The following CHCHD6 variants were observed in gnomAD, a reference collection of about 807,000 sequenced individuals.
CHCHD6 encodes the protein MICOS complex subunit MIC25.
CHCHD6 carries 28 observed loss-of-function variants against 32.3 expected under a neutral mutation model. The ratio of observed to expected loss-of-function variants is 0.87; its 90% CI spans 0.64 to 1.19. The LOEUF (loss-of-function observed/expected upper bound fraction) is 1.19. CHCHD6 is among the 50% of genes most tolerant of loss of function. The pLI, the probability that CHCHD6 is intolerant of heterozygous loss-of-function variation, is 0.00. For synonymous variants in CHCHD6, 122 were observed against 117.5 expected (o/e 1.04, Z -0.25); for missense variants, 333 against 307.0 (o/e 1.08, Z -0.63).
intron 5 of CHCHD6, among the ~76,000 whole-genome samples, chr3:126,905,626 C>A (rs2077993725): frequency 6.6e-6 from 1 of 152,042 alleles, no homozygotes; most frequent in African/African-American, 2.4e-5. Context: ...CCTATAGCCA[C>A]AGTCAGGGGA....
chr3:126,731,674 T>C (rs1935809979), intron 3 of CHCHD6, among the ~76,000 whole-genome samples: 1 of 152,124 alleles, frequency 6.6e-6, no homozygotes, highest in South Asian at 2.1e-4. Flanking sequence ...GTGTCAGCCA[T>C]GGTTGGGCGT....
chr3:126,751,185 G>C (rs1936707563), intron 4 of CHCHD6, among the ~76,000 whole-genome samples: 1 of 150,592 alleles, frequency 6.6e-6, no homozygotes, highest in Non-Finnish European at 1.5e-5. Context: ...GCACTTCTTT[G>C]AAGGCAGTTC....
At chr3:126,755,048 C>T (rs1229136887) in intron 4 of CHCHD6, among the ~76,000 whole-genome samples, 3 of 152,116 alleles carry the variant, frequency 2.0e-5, no homozygotes, top group African/African-American at 4.8e-5. Flanking sequence ...ACCTGAAGAA[C>T]GATGGCCTGG....
At chr3:126,817,007 C>A (rs145564348) in intron 4 of CHCHD6, among the ~76,000 whole-genome samples, 99 of 152,290 alleles carry the variant, frequency 6.5e-4, no homozygotes, top group Admixed American at 1.8e-3. Context: ...ATGATGGTTT[C>A]CAGCTTCATC....
intron 4 of CHCHD6, among the ~76,000 whole-genome samples, chr3:126,816,101 C>T (rs1939885057): frequency 6.6e-6 from 1 of 152,196 alleles, no homozygotes; most frequent in South Asian, 2.1e-4. Context: ...TCCTCCCCCT[C>T]CCCCTCTGCA....
At chr3:126,790,080 T>C (rs1358397101) in intron 4 of CHCHD6, among the ~76,000 whole-genome samples, 1 of 152,170 alleles carries the variant, frequency 6.6e-6, no homozygotes, top group Non-Finnish European at 1.5e-5. Flanking sequence ...TCTTCACTTA[T>C]GAAGCTTAGT....
chr3:126,871,661 C>CTTTT (rs869191195), intron 5 of CHCHD6, among the ~76,000 whole-genome samples: 11 of 125,140 alleles, frequency 8.8e-5, no homozygotes, highest in African/African-American at 1.3e-4. Context: ...GACCCCCCAA[C>CTTTT]TTTTTTTTTT....
chr3:126,909,721 A>G (rs1001219958), intron 5 of CHCHD6, among the ~76,000 whole-genome samples: 2 of 152,212 alleles, frequency 1.3e-5, no homozygotes, highest in Non-Finnish European at 2.9e-5. Context: ...TTGGGAAACT[A>G]AAGAGTCCGA....
intron 4 of CHCHD6, among the ~76,000 whole-genome samples, chr3:126,836,442 C>T (rs1940865045): frequency 6.6e-6 from 1 of 152,296 alleles, no homozygotes; most frequent in East Asian, 1.9e-4. Context: ...TCACCCCTGC[C>T]TCTCTGGACC....
At chr3:126,704,477 CG>C (rs1313461675) in intron 1 of CHCHD6, 78 bp downstream of exon 1, 1 of 913,798 alleles carries the variant, frequency 1.1e-6, no homozygotes, top group Non-Finnish European at 1.5e-6. Context: ...AGCGCAGGGC[CG>C]GGGCTCTTTC....
At chr3:126,825,655 T>G (rs972425593) in intron 4 of CHCHD6, among the ~76,000 whole-genome samples, 2 of 152,244 alleles carry the variant, frequency 1.3e-5, no homozygotes, top group Non-Finnish European at 2.9e-5. Context: ...TATCTTTCTT[T>G]ATCTCTAGTG....
chr3:126,744,234 TATTTATGCA>T (rs1261314273), intron 4 of CHCHD6, among the ~76,000 whole-genome samples: 1 of 152,268 alleles, frequency 6.6e-6, no homozygotes, highest in Non-Finnish European at 1.5e-5. Flanking sequence ...ATTTTAAGTC[TATTTATGCA>T]ATTTATTCAC....
chr3:126,706,881 C>A (rs964131905), intron 1 of CHCHD6, among the ~76,000 whole-genome samples: 35 of 152,094 alleles, frequency 2.3e-4, no homozygotes, highest in African/African-American at 8.2e-4. Flanking sequence ...AGATCTGCCC[C>A]AGCTTCTTTA....
intron 4 of CHCHD6, among the ~76,000 whole-genome samples, chr3:126,780,657 T>G (rs1221976611): frequency 2.0e-5 from 3 of 152,208 alleles, no homozygotes; most frequent in African/African-American, 7.2e-5. Context: ...GCTAAGATCC[T>G]TGGTCATCCT....
At chr3:126,863,230 C>T (rs111215275) in intron 5 of CHCHD6, among the ~76,000 whole-genome samples, 22 of 112,154 alleles carry the variant, frequency 2.0e-4, no homozygotes, top group Admixed American at 2.6e-4. Flanking sequence ...CACCACCTCC[C>T]CCTCCTCCAC....
intron 4 of CHCHD6, among the ~76,000 whole-genome samples, chr3:126,735,920 G>A (rs77537105): frequency 0.091 from 13,860 of 152,176 alleles, 813 homozygotes; most frequent in Middle Eastern, 0.21. Flanking sequence ...AGATGATGTT[G>A]AAGGTGTACA....
chr3:126,932,092 G>A (rs777372762), intron 6 of CHCHD6, among the ~76,000 whole-genome samples: 2 of 152,204 alleles, frequency 1.3e-5, no homozygotes, highest in Non-Finnish European at 2.9e-5. Flanking sequence ...CTAAGAGCAC[G>A]GAGGCTCCAG....
At chr3:126,880,401 C>G (rs2107572608) in intron 5 of CHCHD6, among the ~76,000 whole-genome samples, 1 of 152,168 alleles carries the variant, frequency 6.6e-6, no homozygotes, top group South Asian at 2.1e-4. Context: ...GTGGCCAACC[C>G]CATCAGAAAA....
intron 6 of CHCHD6, among the ~76,000 whole-genome samples, chr3:126,936,753 C>T (rs1267787798): frequency 6.6e-6 from 1 of 152,154 alleles, no homozygotes; most frequent in Non-Finnish European, 1.5e-5. Context: ...GACAGTTTCA[C>T]CATGTTGGCC....
Sources: gnomAD v4.1 joint callset for allele counts (sites outside exome capture counted in the v4.1 genomes callset) on GRCh38, gnomAD v4.1.1 for gene constraint, MANE v1.5 for transcripts, NCBI Gene and HGNC (gene_info 2026-07-23, HGNC 2026-07-21) for gene names.